The following SOD1 variants were observed in gnomAD, a reference collection of about 807,000 sequenced individuals.
SOD1 encodes superoxide dismutase 1.
Under a neutral mutation model 15.9 loss-of-function variants are expected in SOD1, and 8 were observed. The ratio of observed to expected loss-of-function variants is 0.50; its 90% CI spans 0.30 to 0.91. The LOEUF is 0.91. Among genes scored for constraint, SOD1 ranks in the 40% least tolerant of loss-of-function variants. SOD1 has a pLI of 0.07. For missense variants in SOD1, 137 were observed against 194.5 expected (o/e 0.70, Z 1.76); for synonymous variants, 86 against 71.2 (o/e 1.21, Z -1.04).
intron 2 of SOD1, among the ~76,000 whole-genome samples, chr21:31,665,680 T>C (rs2049586873): frequency 6.6e-6 from 1 of 152,156 alleles, no homozygotes; most frequent in South Asian, 2.1e-4. Flanking sequence ...TGCCGCCCCC[T>C]CGAGTTGTGT....
At position 31,667,365 on chromosome 21, in the gene SOD1, G is replaced by A. The variant is rs1240334553; in HGVS notation, c.347G>A (p.Arg116His). ...TCAGGAGACCATTGCATCATTGGCC[G>A]CACACTGGTGGTAAGTTTTCATAAA... is the stretch of plus-strand genomic sequence containing the variant. ...SLSGDHCIIG[R>H]TLVVHEKADD... The change falls in exon 4 of 5, where the codon CGC becomes CAC. Residue 116 changes from arginine to histidine, a missense_variant. Transcript: ENST00000270142. 1.9e-6 allele frequency: 3 copies of A among 1,607,078 alleles called. No individual in the cohort carries two copies. Among genetic ancestry groups the A allele is most frequent in the East Asian group, 2.2e-5 (1 of 44,870 alleles).
At chr21:31,665,102 A>T (rs1017477455) in intron 2 of SOD1, among the ~76,000 whole-genome samples, 1 of 152,204 alleles carries the variant, frequency 6.6e-6, no homozygotes, top group African/African-American at 2.4e-5. Context: ...TAGTGGGACC[A>T]AAGTATGATA....
At chr21:31,665,306 T>A (rs2049583621) in intron 2 of SOD1, among the ~76,000 whole-genome samples, 2 of 152,218 alleles carry the variant, frequency 1.3e-5, no homozygotes, top group East Asian at 3.8e-4. Context: ...CATTTAGTGA[T>A]CTTTTGCCAT....
intron 1 of SOD1, chr21:31,661,809 T>G (rs1277307932): frequency 6.6e-6 from 1 of 152,334 alleles, no homozygotes; most frequent in African/African-American, 2.4e-5. Flanking sequence ...TGGTGCCCGT[T>G]GTACCTGAGA....
chr21:31,663,788 A>G lies in SOD1; in HGVS notation c.73-2A>G. 1.2e-6 allele frequency: 2 copies of G among 1,608,654 alleles called. No homozygotes were observed. The highest frequency in any genetic ancestry group is 1.7e-6 in the Non-Finnish European group (2 of 1,175,330). ...CTCTCCAACTTTGCACTTTTCTTAA[A>G]GGAAAGTAATGGACCAGTGAAGGTG... On this transcript the variant is annotated splice_acceptor_variant, in intron 1 of 4. Coordinates refer to ENST00000270142, the MANE Select transcript of SOD1 (RefSeq NM_000454.5). LOFTEE classifies it high-confidence loss of function.
rs1424222537 is a variant in SOD1 at position 31,668,626 on chromosome 21, T to A, written c.*48T>A. Reference sequence around the variant, plus strand: ...AGGCCCCTTAACTCATCTGTTATCCTGCTAGCTGTAGAAATGTATCCTGAT... The same window carrying A: ...AGGCCCCTTAACTCATCTGTTATCCAGCTAGCTGTAGAAATGTATCCTGAT... On this transcript the variant is annotated 3_prime_UTR_variant, in exon 5 of 5. Transcript: ENST00000270142. 1 of 1,289,138 alleles carries A rather than the reference T, an allele frequency of 7.8e-7. No individual in the cohort carries two copies. Among genetic ancestry groups the A allele is most frequent in the East Asian group, 2.3e-5 (1 of 43,338 alleles). The allele number at this position is 1,289,138 out of a possible 1,614,324, so 79.9% of individuals were successfully genotyped here.
At chr21:31,663,942 G>A in intron 2 of SOD1, 56 bp downstream of exon 2, 1 of 1,300,900 alleles carries the variant, frequency 7.7e-7, no homozygotes, top group Non-Finnish European at 1.1e-6. Context: ...TAGATAAACA[G>A]TAGAGTAGCC....
chr21:31,663,680 A>AT (rs2049568309), intron 1 of SOD1, 110 bp from the exon 2 acceptor site: 2 of 847,172 alleles, frequency 2.4e-6, no homozygotes, highest in Non-Finnish European at 3.9e-6. Context: ...TTGGACACAG[A>AT]TTTTTCCACT....
chr21:31,659,891 T>TC (rs765098981), intron 1 of SOD1, 50 bp downstream of exon 1: 5 of 1,575,774 alleles, frequency 3.2e-6, no homozygotes, highest in Admixed American at 3.3e-5. Context: ...CACCCGCTCG[T>TC]CCCCCCGCGC....
chr21:31,663,769 A>G, intron 1 of SOD1, 21 bp from the exon 2 acceptor site: 1 of 1,571,074 alleles, frequency 6.4e-7, no homozygotes, highest in Non-Finnish European at 8.8e-7. Flanking sequence ...AACTCTCTCC[A>G]ACTTTGCACT....
At chr21:31,665,177 A>T (rs765032620) in intron 2 of SOD1, among the ~76,000 whole-genome samples, 1 of 152,184 alleles carries the variant, frequency 6.6e-6, no homozygotes, top group Admixed American at 6.5e-5. Flanking sequence ...AAATTTTTTT[A>T]AAGTATTTTT....
rs781031581 is a variant in SOD1, at chr21:31,668,520, C to T, written c.407C>T (p.Thr136Ile). Residue 136 changes from threonine (T) to isoleucine (I), a missense_variant, in exon 5 of 5, where the codon ACA (threonine) becomes ATA (isoleucine). Physicochemically the swap from Thr to Ile is moderately conservative, Grantham distance 89 (BLOSUM62 -1). Coordinates refer to ENST00000270142, the MANE Select transcript of SOD1 (RefSeq NM_000454.5). ...GGCAAAGGTGGAAATGAAGAAAGTA[C>T]AAAGACAGGAAACGCTGGAAGTCGT... is the stretch of plus-strand genomic sequence containing the variant. ...DLGKGGNEES[T>I]KTGNAGSRLA... 2.7e-5 allele frequency: 44 copies of T among 1,613,796 alleles called. No homozygotes were observed. The highest frequency in any genetic ancestry group is 3.7e-5 in the Non-Finnish European group (44 of 1,179,848).
chr21:31,667,034 TGA>T (rs2049599497), intron 3 of SOD1: 1 of 588,408 alleles, frequency 1.7e-6, no homozygotes, highest in African/African-American at 1.9e-5. Flanking sequence ...ACTCAGTAAC[TGA>T]GAGTTTACCC....
chr21:31,663,428 A>G (rs1395552978), intron 1 of SOD1, among the ~76,000 whole-genome samples: 1 of 152,256 alleles, frequency 6.6e-6, no homozygotes, highest in East Asian at 1.9e-4. Flanking sequence ...ATAGGTACTT[A>G]CATTACCTAT....
chr21:31,663,729 A>G lies in SOD1; in HGVS notation c.73-61A>G, dbSNP rs1234568090. ...GCTTTTTACTTCACTGTGAGGGGTA[A>G]AGGTAAATCAGCTGTTTTCTTTGTT... On this transcript the variant is annotated intron_variant, in intron 1 of 4. Coordinates refer to ENST00000270142, the MANE Select transcript of SOD1 (RefSeq NM_000454.5). 43 of 1,298,332 alleles carry G rather than the reference A, an allele frequency of 3.3e-5. 1 individual carries two copies. In the East Asian group the frequency reaches 9.4e-4, roughly 29 times the overall value. 80.4% of individuals were successfully genotyped at this position (1,298,332 alleles called of 1,614,324 possible). A position where few individuals can be genotyped will look rare whatever the true frequency, so the allele number is the denominator to read the frequency against.
chr21:31,668,873 T>TA lies in SOD1; in HGVS notation c.*300dup, dbSNP rs2049624754. 2.7e-6 allele frequency: 1 copy of TA among 375,340 alleles called. No homozygotes were observed. The highest frequency in any genetic ancestry group is 2.1e-5 in the African/African-American group (1 of 48,410). The allele number at this position is 375,340 out of a possible 1,614,324, so 23.3% of individuals were successfully genotyped here. A position where few individuals can be genotyped will look rare whatever the true frequency, so the allele number is the denominator to read the frequency against. ...TTTCTTTGTCATTCAAGCCTGTGAATAAAAACCCTGTATGGCACTTATTAT... is the reference window on the plus strand; with the variant it reads ...TTTCTTTGTCATTCAAGCCTGTGAATAAAAAACCCTGTATGGCACTTATTAT... On this transcript the variant is annotated 3_prime_UTR_variant, in exon 5 of 5. Coordinates refer to ENST00000270142, the MANE Select transcript of SOD1 (RefSeq NM_000454.5).
At chr21:31,666,648 C>A in intron 3 of SOD1, 130 bp downstream of exon 3, 1 of 751,064 alleles carries the variant, frequency 1.3e-6, no homozygotes, top group Non-Finnish European at 2.4e-6. Context: ...GCTGACTCAT[C>A]TAAACCCCTG....
At chr21:31,662,878 G>A (rs1354736138) in intron 1 of SOD1, among the ~76,000 whole-genome samples, 1 of 152,178 alleles carries the variant, frequency 6.6e-6, no homozygotes, top group East Asian at 1.9e-4. Flanking sequence ...AGCCGGGTGT[G>A]GTGGTGGGCG....
At position 31,665,949 on chromosome 21, in the gene SOD1, CA is replaced by C. The variant is rs543822694; in HGVS notation, c.170-499del. Among the ~76,000 whole-genome samples, 15 of 149,666 alleles carry C rather than the reference CA, an allele frequency of 1.0e-4. 1 individual carries two copies. The South Asian group carries it at 3.2e-3, about 32-fold the overall frequency. On this transcript the variant is annotated intron_variant, in intron 2 of 4. Transcript: ENST00000270142. ...GGGTGTTAACTTTACAAGTGTCAGACAGTAGTTAGAACTTGGTGGGGTTTTT... is the reference window on the plus strand; with the variant it reads ...GGGTGTTAACTTTACAAGTGTCAGACGTAGTTAGAACTTGGTGGGGTTTTT...
Sources: allele counts gnomAD v4.1 joint callset (sites outside exome capture counted in the v4.1 genomes callset), GRCh38; gene constraint gnomAD v4.1.1; transcripts MANE v1.5; gene names NCBI Gene and HGNC (gene_info 2026-07-23, HGNC 2026-07-21).